Variants in DSCAM observed in about 807,000 individuals in gnomAD.
The protein encoded by DSCAM is cell adhesion molecule DSCAM.
In DSCAM, 47 loss-of-function variants were observed where a neutral mutation model predicts 217.7. The ratio of observed to expected loss-of-function variants is 0.22; its 90% confidence interval spans 0.17 to 0.28. The LOEUF is 0.28. DSCAM is among the 10% of genes least tolerant of loss of function. DSCAM has a pLI of 1.00. For synonymous variants in DSCAM, 1,056 were observed against 1,015.3 expected, an observed-to-expected ratio of 1.04 and a Z score of -0.76; for missense variants, 2,080 against 2,618.3, an observed-to-expected ratio of 0.79 and a Z score of 4.49.
At chr21:40,094,002 G>T in intron 20 of DSCAM, 128 bp from the exon 21 acceptor site, 1 of 968,694 alleles carries the variant, frequency 1.0e-6, no homozygotes, top group Non-Finnish European at 1.5e-6. Context: ...CCTCTAAAAG[G>T]CTGGCTTTGC....
intron 1 of DSCAM, among the ~76,000 whole-genome samples, chr21:40,710,062 G>A (rs2090762155): frequency 6.6e-6 from 1 of 152,066 alleles, no homozygotes; most frequent in Non-Finnish European, 1.5e-5. Context: ...TCTCATTGTG[G>A]CTTTGATTTG....
chr21:40,680,564 A>T (rs59673426), intron 3 of DSCAM, among the ~76,000 whole-genome samples: 69,618 of 151,534 alleles, frequency 0.46, 16,268 homozygotes, highest in African/African-American at 0.52. Flanking sequence ...ATTTTTGCTT[A>T]TTTACTGTAT....
chr21:40,467,533 A>G (rs1601666031), intron 3 of DSCAM, among the ~76,000 whole-genome samples: 1 of 152,346 alleles, frequency 6.6e-6, no homozygotes, highest in East Asian at 1.9e-4. Context: ...TGACTTGTAT[A>G]TAAAATTGAT....
chr21:40,478,837 C>T (rs1242811780), intron 3 of DSCAM, among the ~76,000 whole-genome samples: 2 of 152,042 alleles, frequency 1.3e-5, no homozygotes, highest in Non-Finnish European at 2.9e-5. Context: ...TACATCCACA[C>T]CTGTGACAAA....
At chr21:40,789,277 A>AAAAAAT (rs2091618960) in intron 1 of DSCAM, among the ~76,000 whole-genome samples, 1 of 151,860 alleles carries the variant, frequency 6.6e-6, no homozygotes, top group South Asian at 2.1e-4. Flanking sequence ...TAAAAAAAAA[A>AAAAAAT]AAAATCACAC....
At chr21:40,821,387 A>G (rs1323959086) in intron 1 of DSCAM, among the ~76,000 whole-genome samples, 1 of 150,136 alleles carries the variant, frequency 6.7e-6, no homozygotes, top group Non-Finnish European at 1.5e-5. Context: ...ACACAGACAC[A>G]CGCGCGCACA....
At chr21:40,079,318 T>C (rs1234359408) in intron 25 of DSCAM, among the ~76,000 whole-genome samples, 1 of 152,140 alleles carries the variant, frequency 6.6e-6, no homozygotes, top group Non-Finnish European at 1.5e-5. Context: ...CCTCATGTGA[T>C]GAACCTGATT....
Position 40,706,226 on chromosome 21 carries a change from G to T in DSCAM, c.361+2228C>A, listed in dbSNP as rs140396664. 2.7e-3 allele frequency among the ~76,000 whole-genome samples: 413 copies of T among 151,796 alleles called. 4 individuals are homozygous for T. The highest frequency in any genetic ancestry group is 9.0e-3 in the African/African-American group (371 of 41,404). On this transcript the variant is annotated intron_variant, in intron 2 of 32. Coordinates refer to ENST00000400454, the MANE Select transcript of DSCAM (RefSeq NM_001389.5). The stretch of plus-strand genomic sequence containing the variant: ...GAAAGAAAGAAAGAAAGCACAGTCT[G>T]CTAAGGAGAAAACAATCATGAGAAA...
chr21:40,062,633 T>C (rs1422989851), intron 28 of DSCAM, among the ~76,000 whole-genome samples: 1 of 152,246 alleles, frequency 6.6e-6, no homozygotes, highest in Admixed American at 6.5e-5. Flanking sequence ...CTATTGGTTG[T>C]GTCCAGCCAA....
intron 3 of DSCAM, among the ~76,000 whole-genome samples, chr21:40,460,608 C>A (rs1335687405): frequency 6.6e-6 from 1 of 151,908 alleles, no homozygotes; most frequent in Admixed American, 6.6e-5. Context: ...TATTAATTAT[C>A]CATTAAAGAA....
At chr21:40,317,260 C>T (rs150896560) in intron 8 of DSCAM, among the ~76,000 whole-genome samples, 4 of 152,318 alleles carry the variant, frequency 2.6e-5, no homozygotes, top group Middle Eastern at 3.4e-3. Context: ...TTAACAACAT[C>T]GTTTAGCTAA....
At chr21:40,616,288 C>G (rs928223032) in intron 3 of DSCAM, among the ~76,000 whole-genome samples, 23 of 152,302 alleles carry the variant, frequency 1.5e-4, no homozygotes, top group African/African-American at 5.5e-4. Context: ...CTCCTGAAAA[C>G]TTGGCCCTGC....
At chr21:40,081,080 C>T (rs558089343) in intron 24 of DSCAM, among the ~76,000 whole-genome samples, 1 of 152,328 alleles carries the variant, frequency 6.6e-6, no homozygotes, top group African/African-American at 2.4e-5. Flanking sequence ...AAGTCCAGAG[C>T]AGTTAAGCGG....
At chr21:40,401,373 A>G (rs775492373) in intron 3 of DSCAM, among the ~76,000 whole-genome samples, 9 of 140,502 alleles carry the variant, frequency 6.4e-5, no homozygotes, top group Non-Finnish European at 1.1e-4. Context: ...ATGGCTGCAT[A>G]AAGGATATTC....
intron 11 of DSCAM, among the ~76,000 whole-genome samples, chr21:40,267,229 C>T (rs4818124): frequency 6.7e-6 from 1 of 149,858 alleles, no homozygotes; most frequent in Non-Finnish European, 1.5e-5. Context: ...CTGGACACCT[C>T]CTGAAGGACC....
chr21:40,755,682 C>T (rs976273984), intron 1 of DSCAM, among the ~76,000 whole-genome samples: 1 of 151,988 alleles, frequency 6.6e-6, no homozygotes. Context: ...CCCTGGCCCC[C>T]CAAGGTATAG....
chr21:40,844,420 T>C lies in DSCAM; in HGVS notation c.43+2199A>G, dbSNP rs113010576. On this transcript the variant is annotated intron_variant, in intron 1 of 32. Coordinates refer to ENST00000400454, the MANE Select transcript of DSCAM (RefSeq NM_001389.5). Reference sequence around the variant, plus strand: ...GGCATTTTTATACAAGACAGTTCCATAGCCTTCTGCTAGATTGGATCAGAA... The same window carrying C: ...GGCATTTTTATACAAGACAGTTCCACAGCCTTCTGCTAGATTGGATCAGAA... 1.8e-3 allele frequency among the ~76,000 whole-genome samples: 271 copies of C among 152,294 alleles called. 3 individuals are homozygous for C. The highest frequency in any genetic ancestry group is 6.8e-3 in the Middle Eastern group (2 of 294).
intron 3 of DSCAM, among the ~76,000 whole-genome samples, chr21:40,533,026 G>A (rs1201073014): frequency 4.6e-5 from 7 of 151,906 alleles, no homozygotes; most frequent in Admixed American, 2.0e-4. Flanking sequence ...ACAGACGTGG[G>A]TTAAAATAAA....
At chr21:40,181,722 AATT>A (rs1443896922) in intron 14 of DSCAM, among the ~76,000 whole-genome samples, 1 of 151,598 alleles carries the variant, frequency 6.6e-6, no homozygotes, top group Non-Finnish European at 1.5e-5. Context: ...CCTTCTGGCA[AATT>A]ATTGACTTGA....
Sources: gnomAD v4.1 joint callset for allele counts (sites outside exome capture counted in the v4.1 genomes callset) on GRCh38, gnomAD v4.1.1 for gene constraint, MANE v1.5 for transcripts, NCBI Gene and HGNC (gene_info 2026-07-23, HGNC 2026-07-21) for gene names.